CFAP46: variants seen among roughly 807,000 people sequenced by gnomAD.
The protein encoded by CFAP46 is cilia and flagella associated protein 46, also known as cilia- and flagella-associated protein 46.
A neutral mutation model predicts 325.7 loss-of-function variants in CFAP46; 245 were observed. The observed-to-expected ratio is 0.75, with a 90% CI of 0.68 to 0.84. The LOEUF (loss-of-function observed/expected upper bound fraction) is 0.84. CFAP46 is among the 40% of genes least tolerant of loss of function. The probability of loss-of-function intolerance (pLI) is 0.00; values close to 1 mark genes in which losing one functional copy is unlikely to be tolerated. For missense variants in CFAP46, 3,346 were observed against 3,543.0 expected, an observed-to-expected ratio of 0.94 and a Z score of 1.41; for synonymous variants, 1,523 against 1,495.9, an observed-to-expected ratio of 1.02 and a Z score of -0.42.
chr10:132,872,860 G>A lies in CFAP46; in HGVS notation c.4363-36C>T, dbSNP rs1215001720. On this transcript the variant is annotated intron_variant, in intron 31 of 57. Transcript: ENST00000368586. ...ACATAACACACACAGGAGGTCACAG[G>A]AGCGGGTGTAGACCACAAGCATAAG... is the stretch of plus-strand genomic sequence containing the variant. 6 of 1,549,878 alleles carry A rather than the reference G, an allele frequency of 3.9e-6. No individual in the cohort carries two copies. In the Admixed American group the frequency reaches 1.2e-4, roughly 30 times the overall value.
chr10:132,899,700 C>T, intron 22 of CFAP46, 34 bp from the exon 23 acceptor site: 3 of 1,533,314 alleles, frequency 2.0e-6, no homozygotes, highest in Non-Finnish European at 2.6e-6. Context: ...AGGGAGGCCA[C>T]TGTGGCCCAC....
chr10:132,834,028 C>T lies in CFAP46; in HGVS notation c.6949+13G>A. ...AGCTCCCCAGGCTGAGTGGCCACGC[C>T]CGCCCCACTCACTGTGTTGTCCTGT... On this transcript the variant is annotated intron_variant, in intron 49 of 57. Transcript: ENST00000368586. The T allele has an allele frequency of 6.2e-7, 1 of 1,613,256 alleles. No individual in the cohort carries two copies. Among genetic ancestry groups the T allele is most frequent in the African/African-American group, 1.3e-5 (1 of 75,032 alleles).
chr10:132,831,220 C>G (rs998761000), intron 50 of CFAP46, among the ~76,000 whole-genome samples: 14 of 148,088 alleles, frequency 9.5e-5, no homozygotes, highest in African/African-American at 2.3e-4. Flanking sequence ...GTCAAATGTT[C>G]TGTGTGTGTG....
intron 32 of CFAP46, among the ~76,000 whole-genome samples, chr10:132,871,178 G>A (rs187884875): frequency 6.6e-6 from 1 of 152,244 alleles, no homozygotes; most frequent in Non-Finnish European, 1.5e-5. Flanking sequence ...GAGACCTACT[G>A]CTCAGAAAAA....
intron 8 of CFAP46, among the ~76,000 whole-genome samples, chr10:132,933,749 C>A (rs61863096): frequency 6.6e-6 from 1 of 152,224 alleles, no homozygotes; most frequent in East Asian, 1.9e-4. Context: ...TGGCGTCTGG[C>A]GCCCCTCGCT....
intron 24 of CFAP46, among the ~76,000 whole-genome samples, chr10:132,893,720 G>A (rs543576566): frequency 8.5e-5 from 13 of 152,278 alleles, no homozygotes; most frequent in South Asian, 4.1e-4. Flanking sequence ...TCTCCCGCTC[G>A]GCCTCTTCCC....
rs1358962790 is a variant in CFAP46, at chr10:132,828,691, T to G, written c.7117+4667A>C. ...TTTGCTGACGGTCATAAAGATTTTC[T>G]TCAGTGCTTTCTGCTAGAAATGTGA... On this transcript the variant is annotated intron_variant, in intron 50 of 57. Coordinates refer to ENST00000368586, the MANE Select transcript of CFAP46 (RefSeq NM_001200049.3). The surrounding 1 kb of genome is among the most constrained non-coding windows in gnomAD (Gnocchi z 4.9). Among the ~76,000 whole-genome samples the G allele has an allele frequency of 1.3e-5, 2 of 152,204 alleles. No homozygotes were observed. Among genetic ancestry groups the G allele is most frequent in the African/African-American group, 4.8e-5 (2 of 41,434 alleles).
chr10:132,845,070 A>G (rs1848411494), intron 44 of CFAP46, among the ~76,000 whole-genome samples: 1 of 152,086 alleles, frequency 6.6e-6, no homozygotes, highest in Non-Finnish European at 1.5e-5. Flanking sequence ...GGCGCCCCCA[A>G]CGCCCAGCTT....
intron 50 of CFAP46, among the ~76,000 whole-genome samples, chr10:132,821,960 CTG>C (rs1167238857): frequency 1.2e-4 from 14 of 120,080 alleles, no homozygotes; most frequent in East Asian, 8.3e-4. Flanking sequence ...CTTGTGTGTG[CTG>C]TGTGTGCGCT....
At chr10:132,861,124 C>T (rs1848715784) in intron 35 of CFAP46, 142 bp from the exon 36 acceptor site, 1 of 850,754 alleles carries the variant, frequency 1.2e-6, no homozygotes, top group Non-Finnish European at 1.8e-6. Flanking sequence ...GACAGGGCTG[C>T]TCACTCTGGC....
rs376278192 is a variant in CFAP46 at position 132,855,479 on chromosome 10, TA to T, written c.5574+2110del. Among the ~76,000 whole-genome samples the T allele has an allele frequency of 9.2e-3, 1,407 of 152,340 alleles. 12 individuals carry two copies. The highest frequency in any genetic ancestry group is 0.044 in the South Asian group (210 of 4,826). On this transcript the variant is annotated intron_variant, in intron 39 of 57. Coordinates refer to ENST00000368586, the MANE Select transcript of CFAP46 (RefSeq NM_001200049.3). ...GGTTTTGCTTTTTTATATAATCTGA[TA>T]GATTCTTTTAACTGAGGGTGTTCTG...
chr10:132,855,208 G>C (rs1848623466), intron 39 of CFAP46, among the ~76,000 whole-genome samples: 1 of 152,160 alleles, frequency 6.6e-6, no homozygotes, highest in South Asian at 2.1e-4. Context: ...GTGAAACTCT[G>C]TTATTAGCTA....
At chr10:132,900,981 C>T (rs12415857) in intron 22 of CFAP46, among the ~76,000 whole-genome samples, 40,178 of 152,210 alleles carry the variant, frequency 0.26, 6,435 homozygotes, top group Admixed American at 0.45. Context: ...TTGAATCCTT[C>T]ATCATGAGGA....
At chr10:132,821,679 CTGA>C (rs1386048029) in intron 50 of CFAP46, among the ~76,000 whole-genome samples, 6 of 113,548 alleles carry the variant, frequency 5.3e-5, no homozygotes, top group East Asian at 2.9e-4. Flanking sequence ...GCTGTGTGTG[CTGA>C]TGTGTGCTGT....
At chr10:132,820,081 T>C (rs1847764805) in intron 50 of CFAP46, among the ~76,000 whole-genome samples, 1 of 151,244 alleles carries the variant, frequency 6.6e-6, no homozygotes, top group Non-Finnish European at 1.5e-5. Context: ...GCCAAGGACC[T>C]GAAGGGACAT....
chr10:132,824,901 A>T (rs1258318706), intron 50 of CFAP46, among the ~76,000 whole-genome samples: 46 of 77,404 alleles, frequency 5.9e-4, no homozygotes, highest in South Asian at 1.3e-3. Flanking sequence ...GTGCTGTGTG[A>T]GTGCTAATGT....
At chr10:132,835,584 C>A in intron 46 of CFAP46, 150 bp from the exon 47 acceptor site, 4 of 1,031,552 alleles carry the variant, frequency 3.9e-6, no homozygotes, top group Non-Finnish European at 5.6e-6. Flanking sequence ...TCCCCCTGGT[C>A]CCATGCTGTG....
Position 132,880,886 on chromosome 10 carries a change from G to T in CFAP46, c.3774C>A (p.Val1258=). 6.5e-7 allele frequency: 1 copy of T among 1,549,426 alleles called. No homozygotes were observed. Among genetic ancestry groups the T allele is most frequent in the African/African-American group, 1.4e-5 (1 of 73,160 alleles). ...ILLAMKPPGD[V]PEPQPTPDGE... ...CATCCGGCGTGGGCTGTGGCTCAGG[G>T]ACATCGCCGGGCGGCTTCATGGCCA... is the stretch of plus-strand genomic sequence containing the variant. The change falls in exon 28 of 58, where the codon GTC becomes GTA. Residue 1258 remains valine, a synonymous_variant. Coordinates refer to ENST00000368586, the MANE Select transcript of CFAP46 (RefSeq NM_001200049.3).
At chr10:132,908,940 A>G (rs775178029) in intron 21 of CFAP46, among the ~76,000 whole-genome samples, 197 bp downstream of exon 21, 1 of 152,166 alleles carries the variant, frequency 6.6e-6, no homozygotes, top group Non-Finnish European at 1.5e-5. Context: ...GCCTCGCACC[A>G]GGAGACAGGG....
Sources: allele counts gnomAD v4.1 joint callset (sites outside exome capture counted in the v4.1 genomes callset), GRCh38; gene constraint gnomAD v4.1.1; non-coding constraint Gnocchi (gnomAD v3.1); transcripts MANE v1.5; gene names NCBI Gene and HGNC (gene_info 2026-07-23, HGNC 2026-07-21).